Variants in TRAPPC9 observed in about 807,000 individuals in gnomAD.
The protein encoded by TRAPPC9 is trafficking protein particle complex subunit 9.
TRAPPC9 carries 83 observed loss-of-function variants against 124.0 expected under a neutral mutation model. The observed-to-expected ratio is 0.67, with a 90% CI of 0.56 to 0.80. The LOEUF (loss-of-function observed/expected upper bound fraction) is 0.80, where lower values mean the gene tolerates loss of function less well. Among genes scored for constraint, TRAPPC9 ranks in the 30% least tolerant of loss-of-function variants. The pLI, the probability that TRAPPC9 is intolerant of heterozygous loss-of-function variation, is 0.00. For missense variants in TRAPPC9, 1,302 were observed against 1,508.3 expected (o/e 0.86, Z 2.27); for synonymous variants, 638 against 617.5 (o/e 1.03, Z -0.49).
rs143759543 is a variant in TRAPPC9 at position 139,860,460 on chromosome 8, T to C, written c.3055+25419A>G. 1.4e-4 allele frequency among the ~76,000 whole-genome samples: 22 copies of C among 152,316 alleles called. No individual in the cohort carries two copies. In the East Asian group the frequency reaches 3.7e-3, roughly 25 times the overall value. On this transcript the variant is annotated intron_variant, in intron 21 of 22. Coordinates refer to ENST00000438773, the MANE Select transcript of TRAPPC9 (RefSeq NM_001160372.4). The stretch of plus-strand genomic sequence containing the variant: ...GGTGAATGAATGGCTGTTTCCGGGA[T>C]AGTCACCCCCAATGCCAGGATCTAG...
rs1261488145 is a variant in TRAPPC9, at chr8:140,170,593, A to T, written c.2556+50866T>A. Among the ~76,000 whole-genome samples the T allele has an allele frequency of 3.9e-5, 6 of 152,352 alleles. No homozygotes were observed. In the East Asian group the frequency reaches 1.2e-3, roughly 29 times the overall value. On this transcript the variant is annotated intron_variant, in intron 17 of 22. Transcript: ENST00000438773. ...TAGACATCCCACTCTGGTCTATAAC[A>T]GAATGAGCTACAGAGACTCAAGGAG...
intron 10 of TRAPPC9, among the ~76,000 whole-genome samples, chr8:140,301,167 C>G (rs1462457120): frequency 6.6e-6 from 1 of 152,198 alleles, no homozygotes; most frequent in East Asian, 1.9e-4. Context: ...GAGATGGCAC[C>G]CATGAGAAGG....
At chr8:139,775,338 C>T (rs908941581) in intron 21 of TRAPPC9, among the ~76,000 whole-genome samples, 12 of 152,222 alleles carry the variant, frequency 7.9e-5, no homozygotes, top group East Asian at 3.8e-4. Flanking sequence ...CTCTGGAGAC[C>T]GAGCCGAGCC....
intron 15 of TRAPPC9, among the ~76,000 whole-genome samples, chr8:140,258,899 A>C (rs1289629462): frequency 6.6e-6 from 1 of 152,176 alleles, no homozygotes; most frequent in African/African-American, 2.4e-5. Flanking sequence ...GTGAACCGCC[A>C]ATACAGCTGA....
intron 18 of TRAPPC9, among the ~76,000 whole-genome samples, chr8:140,010,366 G>A (rs1447428453): frequency 6.6e-6 from 1 of 152,136 alleles, no homozygotes; most frequent in Admixed American, 6.5e-5. Context: ...AAGCCCGAAT[G>A]AAGCCAATAA....
At chr8:140,453,012 G>C (rs1351267069) in intron 1 of TRAPPC9, among the ~76,000 whole-genome samples, 1 of 152,158 alleles carries the variant, frequency 6.6e-6, no homozygotes, top group Admixed American at 6.6e-5. Context: ...GGGGGAAACT[G>C]GGCAAAAGGT....
chr8:140,261,745 C>T (rs566256291), intron 15 of TRAPPC9, among the ~76,000 whole-genome samples: 9 of 152,266 alleles, frequency 5.9e-5, no homozygotes, highest in South Asian at 2.1e-4. Context: ...AACTGAGAGA[C>T]GAACCCTGTC....
chr8:140,309,513 A>G (rs1381825561), intron 10 of TRAPPC9, among the ~76,000 whole-genome samples: 1 of 151,182 alleles, frequency 6.6e-6, no homozygotes, highest in African/African-American at 2.4e-5. Flanking sequence ...CAGGGACAAG[A>G]AGCCTCAGCT....
intron 17 of TRAPPC9, among the ~76,000 whole-genome samples, chr8:140,079,602 C>G (rs1399249569): frequency 6.6e-6 from 1 of 152,164 alleles, no homozygotes; most frequent in East Asian, 1.9e-4. Context: ...ACTACAGTGG[C>G]ACACTGGCAA....
intron 21 of TRAPPC9, among the ~76,000 whole-genome samples, chr8:139,767,583 G>A (rs977439924): frequency 7.9e-5 from 12 of 152,220 alleles, no homozygotes; most frequent in African/African-American, 2.7e-4. Context: ...TCCAGATGGA[G>A]GGAACAGATG....
At chr8:139,792,008 C>T (rs1586850842) in intron 21 of TRAPPC9, among the ~76,000 whole-genome samples, 2 of 152,182 alleles carry the variant, frequency 1.3e-5, no homozygotes, top group African/African-American at 4.8e-5. Flanking sequence ...ACGTCACCTC[C>T]CACAGGGAGC....
intron 11 of TRAPPC9, 196 bp from the exon 12 acceptor site, chr8:140,291,274 C>A: frequency 1.5e-6 from 1 of 645,672 alleles, no homozygotes; most frequent in Non-Finnish European, 2.8e-6. Context: ...CTGTCACTGG[C>A]ACTTTGATGC....
chr8:139,920,790 G>A (rs986857798), intron 19 of TRAPPC9, among the ~76,000 whole-genome samples: 11 of 152,238 alleles, frequency 7.2e-5, no homozygotes, highest in African/African-American at 2.7e-4. Context: ...CACCTGCAGA[G>A]GCAGCTAAGT....
At chr8:140,051,562 A>G (rs1328241873) in intron 17 of TRAPPC9, among the ~76,000 whole-genome samples, 1 of 150,922 alleles carries the variant, frequency 6.6e-6, no homozygotes, top group Non-Finnish European at 1.5e-5. Context: ...CCACACAGGA[A>G]AACATTGTTC....
intron 17 of TRAPPC9, among the ~76,000 whole-genome samples, chr8:140,162,438 G>A (rs1266105714): frequency 6.6e-6 from 1 of 152,192 alleles, no homozygotes; most frequent in African/African-American, 2.4e-5. Flanking sequence ...ATTACACTGA[G>A]TGCCTTAAGG....
chr8:140,424,393 C>A (rs1321317973), intron 5 of TRAPPC9, among the ~76,000 whole-genome samples: 1 of 150,940 alleles, frequency 6.6e-6, no homozygotes, highest in Non-Finnish European at 1.5e-5. Flanking sequence ...TGTTTGTAAT[C>A]ACTTTGGGAG....
intron 21 of TRAPPC9, among the ~76,000 whole-genome samples, chr8:139,847,952 G>A (rs1335212990): frequency 1.3e-5 from 2 of 152,248 alleles, no homozygotes; most frequent in Non-Finnish European, 2.9e-5. Flanking sequence ...TGTGCCCTGT[G>A]TCAGCAGCAG....
chr8:140,339,801 T>C (rs1256510822), intron 9 of TRAPPC9, among the ~76,000 whole-genome samples: 1 of 152,228 alleles, frequency 6.6e-6, no homozygotes, highest in Non-Finnish European at 1.5e-5. Flanking sequence ...TTTTCATCAC[T>C]GAAGTCACAC....
chr8:140,047,062 G>A (rs181800526), intron 17 of TRAPPC9, among the ~76,000 whole-genome samples: 1 of 152,324 alleles, frequency 6.6e-6, no homozygotes, highest in Non-Finnish European at 1.5e-5. Flanking sequence ...GAGGTGTCCT[G>A]GAAGGGAGGC....
Sources: allele counts gnomAD v4.1 joint callset (sites outside exome capture counted in the v4.1 genomes callset), GRCh38; gene constraint gnomAD v4.1.1; transcripts MANE v1.5; gene names NCBI Gene and HGNC (gene_info 2026-07-23, HGNC 2026-07-21).